KIAA0513: variants seen among roughly 807,000 people sequenced by gnomAD.
The protein encoded by KIAA0513 is uncharacterized protein KIAA0513.
In KIAA0513, 39 loss-of-function variants were observed where a neutral mutation model predicts 56.5. The ratio of observed to expected loss-of-function variants is 0.69; its 90% CI spans 0.53 to 0.90. KIAA0513 has a LOEUF of 0.90. Ranked by LOEUF, KIAA0513 falls within the 40% of genes least tolerant of loss-of-function variation. KIAA0513 has a pLI of 0.00. For synonymous variants in KIAA0513, 268 were observed against 215.6 expected (o/e 1.24, Z -2.13); for missense variants, 591 against 535.2 (o/e 1.10, Z -1.03).
intron 1 of KIAA0513, among the ~76,000 whole-genome samples, chr16:85,056,989 G>A (rs2073339375): frequency 1.3e-5 from 2 of 152,208 alleles, no homozygotes; most frequent in South Asian, 2.1e-4. Flanking sequence ...ACAGGCAGGA[G>A]CCACTGCACC....
chr16:85,061,734 G>A (rs2073407881), intron 1 of KIAA0513, among the ~76,000 whole-genome samples: 1 of 152,184 alleles, frequency 6.6e-6, no homozygotes, highest in East Asian at 1.9e-4. Context: ...AGCTCCATGG[G>A]GAAGTGGCAG....
chr16:85,027,921 G>A (rs996004012), intron 1 of KIAA0513, 63 bp downstream of exon 1: 3 of 152,158 alleles, frequency 2.0e-5, no homozygotes, highest in Non-Finnish European at 4.4e-5. Context: ...ACCCGGGAGG[G>A]ACGGCGGGGA....
intron 1 of KIAA0513, among the ~76,000 whole-genome samples, chr16:85,034,249 G>C (rs552032068): frequency 2.6e-5 from 4 of 152,262 alleles, no homozygotes; most frequent in African/African-American, 7.2e-5. Context: ...GCATGGTTGT[G>C]GGTGCCTCTA....
chr16:85,030,077 A>G (rs2072941891), intron 1 of KIAA0513, among the ~76,000 whole-genome samples: 3 of 152,130 alleles, frequency 2.0e-5, no homozygotes, highest in Non-Finnish European at 2.9e-5. Flanking sequence ...GGCTTGCAAA[A>G]CATCCTTCTC....
At chr16:85,056,108 T>C (rs941776887) in intron 1 of KIAA0513, among the ~76,000 whole-genome samples, 1 of 152,244 alleles carries the variant, frequency 6.6e-6, no homozygotes, top group Non-Finnish European at 1.5e-5. Context: ...CTCCTGTCCA[T>C]GTGAGAAGCA....
chr16:85,088,326 GC>G lies in KIAA0513; in HGVS notation c.*5del. 2 of 1,609,906 alleles carry G rather than the reference GC, an allele frequency of 1.2e-6. No homozygotes were observed. The highest frequency in any genetic ancestry group is 1.1e-5 in the South Asian group (1 of 91,070). On this transcript the variant is annotated 3_prime_UTR_variant, in exon 13 of 13. Coordinates refer to ENST00000683363, the MANE Select transcript of KIAA0513 (RefSeq NM_001388359.1). Reference sequence around the variant, plus strand: ...CATTGAGCAAATGGCCACTGAGTAGGCCCCAGAGGTCGCACTCCGCAGGAGG... The same window carrying G: ...CATTGAGCAAATGGCCACTGAGTAGGCCCAGAGGTCGCACTCCGCAGGAGG...
chr16:85,042,441 TC>T, intron 1 of KIAA0513, among the ~76,000 whole-genome samples: 1 of 152,124 alleles, frequency 6.6e-6, no homozygotes, highest in Admixed American at 6.6e-5. Flanking sequence ...GGGGGCAGGG[TC>T]CTTGTCCATA....
chr16:85,056,943 G>A (rs1452673546), intron 1 of KIAA0513, among the ~76,000 whole-genome samples: 3 of 151,856 alleles, frequency 2.0e-5, no homozygotes, highest in African/African-American at 4.8e-5. Context: ...GGCTTCAAGC[G>A]AGCCTCCTGC....
At chr16:85,031,377 G>A (rs2072962332) in intron 1 of KIAA0513, among the ~76,000 whole-genome samples, 1 of 152,130 alleles carries the variant, frequency 6.6e-6, no homozygotes, top group Non-Finnish European at 1.5e-5. Flanking sequence ...CCAGCTACTA[G>A]GGAGGCTGGG....
chr16:85,070,709 A>T (rs542254180), intron 2 of KIAA0513, among the ~76,000 whole-genome samples: 6 of 152,234 alleles, frequency 3.9e-5, no homozygotes, highest in African/African-American at 1.4e-4. Flanking sequence ...AAATGCATTT[A>T]TGTTTAATTT....
chr16:85,073,522 A>G (rs989609197), intron 4 of KIAA0513, among the ~76,000 whole-genome samples: 9 of 152,216 alleles, frequency 5.9e-5, no homozygotes, highest in African/African-American at 1.9e-4. Flanking sequence ...TTTGGGGCCA[A>G]TCCCATCTCT....
At chr16:85,050,354 TATTTA>T (rs144065520) in intron 1 of KIAA0513, among the ~76,000 whole-genome samples, 38,067 of 121,502 alleles carry the variant, frequency 0.31, 5,259 homozygotes, top group African/African-American at 0.42. Flanking sequence ...TTTATTTATT[TATTTA>T]TTTTTTTTGA....
At chr16:85,037,044 G>A (rs1282222100) in intron 1 of KIAA0513, among the ~76,000 whole-genome samples, 2 of 152,152 alleles carry the variant, frequency 1.3e-5, no homozygotes, top group Non-Finnish European at 2.9e-5. Flanking sequence ...AGCCAAGGCT[G>A]ATGGGGATGG....
Position 85,089,177 on chromosome 16 carries a change from G to A in KIAA0513, c.*852G>A, listed in dbSNP as rs1047419699. Reference sequence around the variant, plus strand: ...TGTGTGTCCCTCGCAAGAAGCACAGGAAAGAGAAGTTTCTTTAGTAGCCAC... The same window carrying A: ...TGTGTGTCCCTCGCAAGAAGCACAGAAAAGAGAAGTTTCTTTAGTAGCCAC... On this transcript the variant is annotated 3_prime_UTR_variant, in exon 13 of 13. Coordinates refer to ENST00000683363, the MANE Select transcript of KIAA0513 (RefSeq NM_001388359.1). The surrounding 1 kb of genome is among the most constrained non-coding windows in gnomAD (Gnocchi z 4.2). The A allele has an allele frequency of 6.6e-6, 1 of 152,260 alleles. No individual in the cohort carries two copies. The allele number at this position is 152,260 out of a possible 1,614,324, so 9.4% of individuals were successfully genotyped here. A position where few individuals can be genotyped will look rare whatever the true frequency, so the allele number is the denominator to read the frequency against.
intron 1 of KIAA0513, among the ~76,000 whole-genome samples, chr16:85,035,428 A>C (rs1238722987): frequency 6.6e-6 from 1 of 152,158 alleles, no homozygotes; most frequent in Non-Finnish European, 1.5e-5. Context: ...GAAGGCTTTA[A>C]CCTCAAGTCT....
At chr16:85,053,821 G>A (rs894264505) in intron 1 of KIAA0513, among the ~76,000 whole-genome samples, 20 of 151,992 alleles carry the variant, frequency 1.3e-4, no homozygotes, top group African/African-American at 3.9e-4. Flanking sequence ...GTGAAACCCC[G>A]TCTCTACTAA....
At chr16:85,038,211 T>C (rs755299244) in intron 1 of KIAA0513, among the ~76,000 whole-genome samples, 3 of 152,202 alleles carry the variant, frequency 2.0e-5, no homozygotes, top group South Asian at 2.1e-4. Flanking sequence ...TTGAAGAGCA[T>C]TGACTTTGCC....
At chr16:85,062,245 T>G (rs2073417040) in intron 1 of KIAA0513, among the ~76,000 whole-genome samples, 1 of 151,772 alleles carries the variant, frequency 6.6e-6, no homozygotes. Context: ...CCCCATAAGG[T>G]CTCACTCATG....
chr16:85,035,515 A>G (rs2073023323), intron 1 of KIAA0513, among the ~76,000 whole-genome samples: 1 of 152,114 alleles, frequency 6.6e-6, no homozygotes, highest in Non-Finnish European at 1.5e-5. Context: ...TTTAGAGATG[A>G]GATCTTGCTC....
Sources: gnomAD v4.1 joint callset for allele counts (sites outside exome capture counted in the v4.1 genomes callset) on GRCh38, gnomAD v4.1.1 for gene constraint, Gnocchi (gnomAD v3.1) non-coding constraint, MANE v1.5 for transcripts, NCBI Gene and HGNC (gene_info 2026-07-23, HGNC 2026-07-21) for gene names.